ATP1B1: variants seen among roughly 807,000 people sequenced by gnomAD.
ATP1B1 encodes sodium/potassium-transporting ATPase subunit beta-1.
ATP1B1 carries 3 observed loss-of-function variants against 39.6 expected under a neutral mutation model. The ratio of observed to expected loss-of-function variants is 0.08; its 90% CI spans 0.03 to 0.20. The LOEUF (loss-of-function observed/expected upper bound fraction) is 0.20, where lower values mean the gene tolerates loss of function less well. Among genes scored for constraint, ATP1B1 ranks in the 10% least tolerant of loss-of-function variants. The pLI is 1.00. For synonymous variants in ATP1B1, 139 were observed against 135.0 expected (o/e 1.03, Z -0.20); for missense variants, 216 against 371.1 (o/e 0.58, Z 3.43).
chr1:169,114,516 G>A (rs975778036), intron 2 of ATP1B1, among the ~76,000 whole-genome samples: 9 of 152,158 alleles, frequency 5.9e-5, no homozygotes. Flanking sequence ...TCAATAACGT[G>A]TGAATGTGGC....
intron 3 of ATP1B1, 103 bp from the exon 4 acceptor site, chr1:169,127,121 G>A (rs1045995718): frequency 3.0e-5 from 37 of 1,240,090 alleles, no homozygotes; most frequent in Non-Finnish European, 3.6e-5. Context: ...GCAGAATAGC[G>A]TACTCTCAGA....
intron 3 of ATP1B1, among the ~76,000 whole-genome samples, chr1:169,126,079 T>A (rs35152438): frequency 0.3 from 45,273 of 151,984 alleles, 7,779 homozygotes; most frequent in Non-Finnish European, 0.4. Context: ...TCCAGTTCTT[T>A]ATAAGGCAGG....
intron 2 of ATP1B1, among the ~76,000 whole-genome samples, chr1:169,120,451 C>T (rs959785706): frequency 8.5e-5 from 13 of 152,188 alleles, no homozygotes; most frequent in Non-Finnish European, 1.6e-4. Context: ...ACTGAGCTTT[C>T]TGGGGTTTAT....
rs753882699 is a variant in ATP1B1, at chr1:169,122,746, ATTTTTT to A, written c.227-2119_227-2114del. Among the ~76,000 whole-genome samples, 9 of 82,378 alleles carry A rather than the reference ATTTTTT, an allele frequency of 1.1e-4. 1 individual carries two copies. The highest frequency in any genetic ancestry group is 7.3e-4 in the Admixed American group (5 of 6,844). 54.0% of individuals were successfully genotyped at this position (82,378 alleles called of 152,430 possible). A position where few individuals can be genotyped will look rare whatever the true frequency, so the allele number is the denominator to read the frequency against. ...GTTCTACATCATCCTTTTCAGGATG[ATTTTTT>A]TTTTTTTTTTTTTTTTTTAATTGCG... On this transcript the variant is annotated intron_variant, in intron 2 of 5. Transcript: ENST00000367815.
At chr1:169,113,403 T>C (rs1657768613) in intron 2 of ATP1B1, among the ~76,000 whole-genome samples, 1 of 151,850 alleles carries the variant, frequency 6.6e-6, no homozygotes, top group South Asian at 2.1e-4. Flanking sequence ...CAAAGCCAAA[T>C]ACGACTACAA....
intron 4 of ATP1B1, 52 bp downstream of exon 4, chr1:169,127,460 C>G: frequency 6.5e-7 from 1 of 1,527,590 alleles, no homozygotes; most frequent in Non-Finnish European, 8.9e-7. Context: ...ACACTAAGTA[C>G]TTAATTGATC....
intron 2 of ATP1B1, among the ~76,000 whole-genome samples, chr1:169,116,905 A>G (rs553332670): frequency 1.3e-5 from 2 of 152,146 alleles, no homozygotes; most frequent in South Asian, 2.1e-4. Context: ...GGTTCGAGTC[A>G]TTATCATTCT....
chr1:169,127,121 G>C (rs1045995718), intron 3 of ATP1B1, 103 bp from the exon 4 acceptor site: 3 of 1,240,090 alleles, frequency 2.4e-6, no homozygotes, highest in East Asian at 5.4e-5. Flanking sequence ...GCAGAATAGC[G>C]TACTCTCAGA....
intron 2 of ATP1B1, among the ~76,000 whole-genome samples, chr1:169,112,718 C>G (rs1466936952): frequency 6.6e-6 from 1 of 151,962 alleles, no homozygotes; most frequent in Non-Finnish European, 1.5e-5. Context: ...AAGAAAAACT[C>G]AAAATATTTC....
At chr1:169,121,255 A>C (rs1299529846) in intron 2 of ATP1B1, among the ~76,000 whole-genome samples, 1 of 152,124 alleles carries the variant, frequency 6.6e-6, no homozygotes, top group East Asian at 1.9e-4. Flanking sequence ...CCATATTCCT[A>C]GATGATTAAC....
At chr1:169,114,893 T>TA (rs931628997) in intron 2 of ATP1B1, among the ~76,000 whole-genome samples, 35 of 149,820 alleles carry the variant, frequency 2.3e-4, no homozygotes, top group South Asian at 1.5e-3. Context: ...AGTCTCCTGT[T>TA]AAAAAAAAAG....
chr1:169,112,019 G>A (rs1657739850), intron 2 of ATP1B1, among the ~76,000 whole-genome samples: 1 of 152,194 alleles, frequency 6.6e-6, no homozygotes, highest in South Asian at 2.1e-4. Context: ...GAGGAGCCAT[G>A]ACTTTAGGGG....
At chr1:169,107,739 A>G (rs1279875276) in intron 1 of ATP1B1, among the ~76,000 whole-genome samples, 2 of 151,734 alleles carry the variant, frequency 1.3e-5, no homozygotes, top group Non-Finnish European at 2.9e-5. Flanking sequence ...TCTTGTTTTC[A>G]GCCTCTCCGG....
intron 2 of ATP1B1, among the ~76,000 whole-genome samples, chr1:169,120,950 C>CTTTTTTTTTTT (rs5778600): frequency 3.0e-5 from 4 of 134,856 alleles, no homozygotes; most frequent in Non-Finnish European, 6.2e-5. Flanking sequence ...CTTTTCTTTT[C>CTTTTTTTTTTT]TTTTTTTTTT....
At chr1:169,129,898 G>T in intron 4 of ATP1B1, 112 bp from the exon 5 acceptor site, 2 of 896,290 alleles carry the variant, frequency 2.2e-6, no homozygotes, top group Non-Finnish European at 1.7e-6. Context: ...TTGTTATTTT[G>T]GTTGACTTAC....
Position 169,111,470 on chromosome 1 carries a change from C to T in ATP1B1, c.198C>T (p.Pro66=). The T allele has an allele frequency of 6.2e-7, 1 of 1,614,188 alleles. No individual in the cohort carries two copies. Among genetic ancestry groups the T allele is most frequent in the Non-Finnish European group, 8.5e-7 (1 of 1,180,032 alleles). ...VMLLTISEFK[P]TYQDRVAPPG... Reference sequence around the variant, plus strand: ...TGCTCACCATCAGTGAATTTAAGCCCACATATCAGGACCGAGTGGCCCCGC... The same window carrying T: ...TGCTCACCATCAGTGAATTTAAGCCTACATATCAGGACCGAGTGGCCCCGC... The change falls in exon 2 of 6, where the codon CCC becomes CCT. Residue 66 remains proline, a synonymous_variant. Transcript: ENST00000367815.
At position 169,131,192 on chromosome 1, in the gene ATP1B1, A is replaced by C. The variant is rs761229836; in HGVS notation, c.649-100A>C. The C allele has an allele frequency of 3.5e-6, 5 of 1,429,038 alleles. No individual in the cohort carries two copies. The African/African-American group carries it at 7.1e-5, about 20-fold the overall frequency. 88.5% of individuals were successfully genotyped at this position (1,429,038 alleles called of 1,614,324 possible). A position where few individuals can be genotyped will look rare whatever the true frequency, so the allele number is the denominator to read the frequency against. On this transcript the variant is annotated intron_variant, in intron 5 of 5. Coordinates refer to ENST00000367815, the MANE Select transcript of ATP1B1 (RefSeq NM_001677.4). The surrounding 1 kb of genome is among the most constrained non-coding windows in gnomAD (Gnocchi z 4.4). ...CTGAGTAGATGTTCTTTCCTCTCTC[A>C]GTAGTTTGCAAACTACTGTGTAGAT...
At position 169,125,037 on chromosome 1, in the gene ATP1B1, G is replaced by A. The variant is rs758661489; in HGVS notation, c.380G>A (p.Gly127Asp). 1.2e-6 allele frequency: 2 copies of A among 1,610,534 alleles called. No individual in the cohort carries two copies. Among genetic ancestry groups the A allele is most frequent in the Non-Finnish European group, 1.7e-6 (2 of 1,178,764 alleles). ...QRDDMIFEDC[G>D]DVPSEPKERG... ...GATGACATGATTTTTGAAGATTGTG[G>A]CGGTAAGTAGACTCATTGTAGATGT... The change falls in exon 3 of 6, where the codon GGC becomes GAC. Residue 127 changes from glycine to aspartate, a missense_variant and splice_region_variant. Gly to Asp is a moderately conservative substitution (Grantham distance 94). Transcript: ENST00000367815.
chr1:169,128,111 C>T (rs1012788551), intron 4 of ATP1B1, among the ~76,000 whole-genome samples: 4 of 152,130 alleles, frequency 2.6e-5, no homozygotes, highest in Non-Finnish European at 5.9e-5. Flanking sequence ...TTGTTGTCTG[C>T]TTTTGTAAAG....
Sources: allele counts gnomAD v4.1 joint callset (sites outside exome capture counted in the v4.1 genomes callset), GRCh38; gene constraint gnomAD v4.1.1; non-coding constraint Gnocchi (gnomAD v3.1); transcripts MANE v1.5; gene names NCBI Gene and HGNC (gene_info 2026-07-23, HGNC 2026-07-21).